DLGAP2: variants seen among roughly 807,000 people sequenced by gnomAD.
DLGAP2 encodes the protein DLG associated protein 2.
DLGAP2 carries 26 observed loss-of-function variants against 100.3 expected under a neutral mutation model. The ratio of observed to expected loss-of-function variants is 0.26; its 90% confidence interval spans 0.19 to 0.36. The LOEUF (loss-of-function observed/expected upper bound fraction) is 0.36. Ranked by LOEUF, DLGAP2 falls within the 10% of genes least tolerant of loss-of-function variation. The pLI, the probability that DLGAP2 is intolerant of heterozygous loss-of-function variation, is 1.00. For synonymous variants in DLGAP2, 886 were observed against 630.1 expected (o/e 1.41, Z -6.08); for missense variants, 1,858 against 1,453.2 (o/e 1.28, Z -4.53).
intron 13 of DLGAP2, among the ~76,000 whole-genome samples, chr8:1,694,341 C>T (rs771485374): frequency 3.2e-4 from 49 of 152,156 alleles, no homozygotes; most frequent in Non-Finnish European, 6.0e-4. Context: ...CCGCTGTCTG[C>T]TGGAAGTTGT....
rs1173833717 is a variant in DLGAP2 at position 1,385,865 on chromosome 8, A to G, written c.107-115501A>G. Among the ~76,000 whole-genome samples the G allele has an allele frequency of 2.0e-5, 3 of 151,896 alleles. No homozygotes were observed. The East Asian group carries it at 5.8e-4, about 30-fold the overall frequency. ...CCTGTCCCCTGAGAACTTGGTGCAC[A>G]GTTACCCGGCCTGTGCCCGGCCCCT... On this transcript the variant is annotated intron_variant, in intron 3 of 14. Transcript: ENST00000637795.
intron 1 of DLGAP2, among the ~76,000 whole-genome samples, chr8:870,889 G>A (rs546056438): frequency 8.5e-5 from 13 of 152,262 alleles, no homozygotes; most frequent in South Asian, 2.1e-4. Flanking sequence ...TGAGAATCAC[G>A]TCTTGGGGGC....
At chr8:1,366,753 G>A (rs942314415) in intron 3 of DLGAP2, among the ~76,000 whole-genome samples, 14 of 152,174 alleles carry the variant, frequency 9.2e-5, no homozygotes, top group Non-Finnish European at 2.1e-4. Flanking sequence ...TCATCCAGGA[G>A]GCTGGACCTT....
intron 3 of DLGAP2, among the ~76,000 whole-genome samples, chr8:1,363,359 G>A (rs73670787): frequency 0.065 from 9,934 of 152,062 alleles, 583 homozygotes; most frequent in African/African-American, 0.16. Context: ...CCTCTGCCTC[G>A]CCGGTCCCAC....
intron 2 of DLGAP2, among the ~76,000 whole-genome samples, chr8:1,043,969 C>G (rs959879242): frequency 6.6e-6 from 1 of 152,058 alleles, no homozygotes; most frequent in Admixed American, 6.5e-5. Flanking sequence ...GGGTTAGAGA[C>G]TTTGCATCAC....
chr8:934,550 G>A (rs1237086983), intron 2 of DLGAP2, among the ~76,000 whole-genome samples: 2 of 152,188 alleles, frequency 1.3e-5, no homozygotes, highest in East Asian at 1.9e-4. Context: ...AGTCAGCTGC[G>A]CCTCCCAGGG....
chr8:1,654,235 C>T (rs1433451052), intron 8 of DLGAP2, among the ~76,000 whole-genome samples: 5 of 152,206 alleles, frequency 3.3e-5, no homozygotes, highest in Admixed American at 2.0e-4. Flanking sequence ...ACAAATGCTA[C>T]CTCCTGTACA....
In DLGAP2 at chr8:1,350,290, G is replaced by A. The variant is rs71497104; in HGVS notation, c.106+91407G>A. 1.9e-4 allele frequency among the ~76,000 whole-genome samples: 16 copies of A among 86,318 alleles called. 2 individuals carry two copies. The highest frequency in any genetic ancestry group is 6.4e-4 in the South Asian group (1 of 1,562). The allele number at this position is 86,318 out of a possible 152,430, so 56.6% of individuals were successfully genotyped here. Reference sequence around the variant, plus strand: ...TGGAACGGCCGTGCGGGTCCTGAGCGTGCGTGGAAAGGCCGTGCGGGTCCT... The same window carrying A: ...TGGAACGGCCGTGCGGGTCCTGAGCATGCGTGGAAAGGCCGTGCGGGTCCT... On this transcript the variant is annotated intron_variant, in intron 3 of 14. Coordinates refer to ENST00000637795, the MANE Select transcript of DLGAP2 (RefSeq NM_001346810.2).
chr8:1,255,883 GCCTGGGTGCTA>G (rs1799195070), intron 2 of DLGAP2, among the ~76,000 whole-genome samples: 1 of 121,890 alleles, frequency 8.2e-6, no homozygotes, highest in African/African-American at 4.0e-5. Flanking sequence ...CTCTCATCCT[GCCTGGGTGCTA>G]TGTGTGTGTC....
intron 1 of DLGAP2, among the ~76,000 whole-genome samples, chr8:879,580 C>T (rs190046467): frequency 2.2e-4 from 34 of 152,276 alleles, no homozygotes; most frequent in Middle Eastern, 3.4e-3. Context: ...TCCATCTCCC[C>T]GTTGTCTTCA....
At chr8:809,733 C>G (rs1251544345) in intron 1 of DLGAP2, among the ~76,000 whole-genome samples, 1 of 152,174 alleles carries the variant, frequency 6.6e-6, no homozygotes, top group Non-Finnish European at 1.5e-5. Context: ...AAGATTCCCC[C>G]TCCCCTGGCC....
intron 4 of DLGAP2, among the ~76,000 whole-genome samples, chr8:1,524,824 C>G (rs1800735957): frequency 1.3e-5 from 2 of 152,166 alleles, no homozygotes; most frequent in Admixed American, 1.3e-4. Flanking sequence ...CCGTCTGCAT[C>G]ACTCTTACCA....
chr8:1,563,673 G>A (rs534997372), intron 5 of DLGAP2, among the ~76,000 whole-genome samples: 3 of 152,188 alleles, frequency 2.0e-5, no homozygotes, highest in South Asian at 4.1e-4. Flanking sequence ...ACAGAAATGA[G>A]CATGCCTCTC....
chr8:804,660 C>T (rs902884118), intron 1 of DLGAP2, among the ~76,000 whole-genome samples: 1 of 152,132 alleles, frequency 6.6e-6, no homozygotes, highest in Non-Finnish European at 1.5e-5. Context: ...TCTCTCTTTT[C>T]CCCCAAGATA....
At chr8:1,241,177 C>T (rs78068344) in intron 2 of DLGAP2, among the ~76,000 whole-genome samples, 1 of 15,726 alleles carries the variant, frequency 6.4e-5, no homozygotes, top group Non-Finnish European at 2.2e-4. Context: ...TCACGTGGCG[C>T]CGTGTCTCGT....
chr8:852,952 G>A (rs191371905), intron 1 of DLGAP2, among the ~76,000 whole-genome samples: 2 of 152,228 alleles, frequency 1.3e-5, no homozygotes, highest in Non-Finnish European at 2.9e-5. Flanking sequence ...GCAGCATGAC[G>A]CTGGATCTTC....
intron 2 of DLGAP2, among the ~76,000 whole-genome samples, chr8:1,214,814 C>G (rs1002020885): frequency 1.2e-4 from 19 of 152,256 alleles, no homozygotes; most frequent in African/African-American, 4.3e-4. Context: ...GCCTTGACTT[C>G]CACATAACAT....
chr8:1,064,862 C>G (rs1240213567), intron 2 of DLGAP2, among the ~76,000 whole-genome samples: 1 of 152,196 alleles, frequency 6.6e-6, no homozygotes, highest in Non-Finnish European at 1.5e-5. Context: ...ATGCACACAC[C>G]TGGCCCCTGC....
intron 4 of DLGAP2, among the ~76,000 whole-genome samples, chr8:1,512,120 G>T (rs570855922): frequency 6.6e-6 from 1 of 152,204 alleles, no homozygotes; most frequent in South Asian, 2.1e-4. Flanking sequence ...TCCCTAACGC[G>T]TCTGGTCCAC....
Sources: allele counts gnomAD v4.1 joint callset (sites outside exome capture counted in the v4.1 genomes callset), GRCh38; gene constraint gnomAD v4.1.1; transcripts MANE v1.5; gene names NCBI Gene and HGNC (gene_info 2026-07-23, HGNC 2026-07-21).